Variants in DOCK3 observed in about 807,000 individuals in gnomAD.
The protein encoded by DOCK3 is dedicator of cytokinesis protein 3.
Under a neutral mutation model 265.6 loss-of-function variants are expected in DOCK3, and 60 were observed. That is an observed-to-expected ratio of 0.23 (90% confidence interval 0.18 to 0.28). The LOEUF is 0.28. DOCK3 is among the 10% of genes least tolerant of loss of function. DOCK3 has a pLI of 1.00. For missense variants in DOCK3, 1,981 were observed against 2,594.3 expected (o/e 0.76, Z 5.14); for synonymous variants, 881 against 938.0 (o/e 0.94, Z 1.11).
chr3:51,330,099 A>C (rs1162577251), intron 32 of DOCK3, 39 bp from the exon 33 acceptor site: 1 of 1,553,788 alleles, frequency 6.4e-7, no homozygotes, highest in Admixed American at 1.9e-5. Context: ...TCTTTTTCTG[A>C]GGTCATCTCA....
At chr3:51,071,666 A>G (rs1429888080) in intron 6 of DOCK3, among the ~76,000 whole-genome samples, 2 of 152,190 alleles carry the variant, frequency 1.3e-5, no homozygotes, top group Non-Finnish European at 2.9e-5. Context: ...GTTTGGTGGT[A>G]TACCCAAGAT....
chr3:51,241,440 G>A (rs529315094), intron 21 of DOCK3, among the ~76,000 whole-genome samples: 36 of 152,266 alleles, frequency 2.4e-4, no homozygotes, highest in African/African-American at 5.3e-4. Context: ...GGGGTTCTCC[G>A]CATTTCCTGA....
At chr3:50,707,161 A>G (rs540697248) in intron 1 of DOCK3, among the ~76,000 whole-genome samples, 24 of 151,916 alleles carry the variant, frequency 1.6e-4, no homozygotes, top group Non-Finnish European at 2.8e-4. Flanking sequence ...TTCCTGTACT[A>G]CCTGTGGAAC....
At chr3:51,323,779 A>G (rs1292774592) in intron 32 of DOCK3, among the ~76,000 whole-genome samples, 1 of 152,182 alleles carries the variant, frequency 6.6e-6, no homozygotes, top group Non-Finnish European at 1.5e-5. Context: ...AAAAAACTAG[A>G]GAAGCAAGAG....
chr3:51,158,097 T>G (rs1444187015), intron 10 of DOCK3, among the ~76,000 whole-genome samples: 1 of 152,140 alleles, frequency 6.6e-6, no homozygotes, highest in East Asian at 1.9e-4. Flanking sequence ...TTCCATCAAG[T>G]ATCATTAACT....
intron 35 of DOCK3, among the ~76,000 whole-genome samples, chr3:51,335,833 A>C (rs993064687): frequency 1.3e-5 from 2 of 152,088 alleles, no homozygotes; most frequent in Non-Finnish European, 2.9e-5. Context: ...CTCTATGAAA[A>C]ATTGGAAAAG....
At chr3:51,233,422 A>G (rs2078223560) in intron 19 of DOCK3, among the ~76,000 whole-genome samples, 1 of 151,898 alleles carries the variant, frequency 6.6e-6, no homozygotes, top group Non-Finnish European at 1.5e-5. Context: ...CTGGAGTACA[A>G]TGGCGTGATC....
chr3:51,036,054 C>G (rs1379621657), intron 5 of DOCK3, among the ~76,000 whole-genome samples: 1 of 152,112 alleles, frequency 6.6e-6, no homozygotes, highest in African/African-American at 2.4e-5. Flanking sequence ...GTCCTTAGGG[C>G]AAAGTATCTA....
intron 3 of DOCK3, among the ~76,000 whole-genome samples, chr3:50,860,996 G>T (rs1197130823): frequency 6.6e-6 from 1 of 152,186 alleles, no homozygotes; most frequent in Non-Finnish European, 1.5e-5. Flanking sequence ...TGCCTGAGTG[G>T]CTGCTCTGCC....
intron 1 of DOCK3, among the ~76,000 whole-genome samples, chr3:50,754,676 A>C (rs13060835): frequency 0.095 from 14,302 of 150,684 alleles, 833 homozygotes; most frequent in Non-Finnish European, 0.12. Context: ...TTTCCTGCCT[A>C]AGCCTCCCAA....
intron 2 of DOCK3, among the ~76,000 whole-genome samples, chr3:50,781,806 T>C (rs2041934371): frequency 2.6e-5 from 4 of 152,146 alleles, no homozygotes; most frequent in Admixed American, 2.6e-4. Flanking sequence ...TAGGCCCCAG[T>C]GTCTGTTGTT....
At chr3:50,931,051 C>G (rs1252513976) in intron 4 of DOCK3, among the ~76,000 whole-genome samples, 2 of 152,150 alleles carry the variant, frequency 1.3e-5, no homozygotes, top group East Asian at 3.9e-4. Context: ...TCAGCTGTCT[C>G]CTGGAGGTAG....
chr3:51,061,877 C>A (rs928891369), intron 5 of DOCK3, among the ~76,000 whole-genome samples: 2 of 152,150 alleles, frequency 1.3e-5, no homozygotes, highest in East Asian at 3.9e-4. Context: ...TCAGACTTAG[C>A]ATGTCCAAAA....
chr3:50,686,340 A>G (rs1385403208), intron 1 of DOCK3, among the ~76,000 whole-genome samples: 5 of 152,214 alleles, frequency 3.3e-5, no homozygotes, highest in Admixed American at 1.3e-4. Flanking sequence ...ATCTCAGGAT[A>G]TTCCGCCTTG....
chr3:51,046,840 TAAG>T (rs2080796269), intron 5 of DOCK3, among the ~76,000 whole-genome samples: 1 of 152,090 alleles, frequency 6.6e-6, no homozygotes, highest in Non-Finnish European at 1.5e-5. Context: ...TTAACACACT[TAAG>T]AAGTTTGAAA....
intron 3 of DOCK3, among the ~76,000 whole-genome samples, chr3:50,868,051 C>A (rs1285289384): frequency 2.0e-5 from 3 of 151,614 alleles, no homozygotes; most frequent in Non-Finnish European, 4.4e-5. Context: ...GCCATTGGGT[C>A]CCAGGCTTTT....
intron 5 of DOCK3, among the ~76,000 whole-genome samples, chr3:50,992,747 A>G (rs1488487573): frequency 2.6e-5 from 4 of 152,228 alleles, no homozygotes; most frequent in African/African-American, 9.6e-5. Flanking sequence ...ATTAAAAGCT[A>G]CTACAAACAC....
chr3:50,843,494 C>A (rs1225579297), intron 3 of DOCK3, among the ~76,000 whole-genome samples: 2 of 152,110 alleles, frequency 1.3e-5, no homozygotes, highest in African/African-American at 2.4e-5. Context: ...GTACCTGGAA[C>A]CTCATACTTA....
intron 2 of DOCK3, among the ~76,000 whole-genome samples, chr3:50,819,725 G>C (rs2106894202): frequency 6.6e-6 from 1 of 152,358 alleles, no homozygotes; most frequent in African/African-American, 2.4e-5. Flanking sequence ...AATTTGGGAA[G>C]CCAGGGCAGG....
Sources: allele counts gnomAD v4.1 joint callset (sites outside exome capture counted in the v4.1 genomes callset), GRCh38; gene constraint gnomAD v4.1.1; transcripts MANE v1.5; gene names NCBI Gene and HGNC (gene_info 2026-07-23, HGNC 2026-07-21).